Variants in GDAP2 observed in about 807,000 individuals in gnomAD.
GDAP2 encodes the protein ganglioside induced differentiation associated protein 2, also known as ganglioside-induced differentiation-associated protein 2.
Under a neutral mutation model 67.0 loss-of-function variants are expected in GDAP2, and 51 were observed. The ratio of observed to expected loss-of-function variants is 0.76; its 90% CI spans 0.61 to 0.96. GDAP2 has a LOEUF of 0.96. Among genes scored for constraint, GDAP2 ranks in the 40% least tolerant of loss-of-function variants. GDAP2 has a pLI of 0.00. For missense variants in GDAP2, 547 were observed against 588.3 expected, an observed-to-expected ratio of 0.93 and a Z score of 0.73; for synonymous variants, 203 against 207.3, an observed-to-expected ratio of 0.98 and a Z score of 0.18.
rs1394375873 is a variant in GDAP2, at chr1:117,887,790, A to G, written c.954-16T>C. Reference sequence around the variant, plus strand: ...GCGATTATAACTAGGGAAATAAATGATATAATCATTATAATAAACCCTTGG... The same window carrying G: ...GCGATTATAACTAGGGAAATAAATGGTATAATCATTATAATAAACCCTTGG... On this transcript the variant is annotated splice_polypyrimidine_tract_variant and intron_variant, in intron 8 of 13. Coordinates refer to ENST00000369443, the MANE Select transcript of GDAP2 (RefSeq NM_017686.4). 7.2e-7 allele frequency: 1 copy of G among 1,386,304 alleles called. No individual in the cohort carries two copies. The highest frequency in any genetic ancestry group is 1.2e-5 in the South Asian group (1 of 85,682). 85.9% of individuals were successfully genotyped at this position (1,386,304 alleles called of 1,614,324 possible). A position where few individuals can be genotyped will look rare whatever the true frequency, so the allele number is the denominator to read the frequency against.
Position 117,868,084 on chromosome 1 carries a change from T to C in GDAP2, c.*2485A>G, listed in dbSNP as rs1648135745. The C allele has an allele frequency of 6.6e-6, 1 of 152,222 alleles. No homozygotes were observed. Among genetic ancestry groups the C allele is most frequent in the South Asian group, 2.1e-4 (1 of 4,832 alleles). The allele number at this position is 152,222 out of a possible 1,614,324, so 9.4% of individuals were successfully genotyped here. On this transcript the variant is annotated 3_prime_UTR_variant, in exon 14 of 14. Coordinates refer to ENST00000369443, the MANE Select transcript of GDAP2 (RefSeq NM_017686.4). ...TGGTCATCTCCATCCAGTATCCCCT[T>C]TATCCTCTAATATGTCCTTGAAAAT... is the stretch of plus-strand genomic sequence containing the variant.
chr1:117,897,355 C>G (rs1323643638), intron 7 of GDAP2, among the ~76,000 whole-genome samples: 1 of 152,140 alleles, frequency 6.6e-6, no homozygotes, highest in African/African-American at 2.4e-5. Flanking sequence ...AAAAAACAAG[C>G]ATTTGGGAAG....
intron 5 of GDAP2, 151 bp from the exon 6 acceptor site, chr1:117,906,733 C>G: frequency 1.8e-6 from 1 of 551,124 alleles, no homozygotes; most frequent in South Asian, 2.4e-5. Flanking sequence ...TGAAGCCTGC[C>G]CATACTACTT....
At chr1:117,898,648 T>C (rs1196942477) in intron 7 of GDAP2, among the ~76,000 whole-genome samples, 1 of 152,210 alleles carries the variant, frequency 6.6e-6, no homozygotes, top group East Asian at 1.9e-4. Flanking sequence ...TACAACAGTA[T>C]ATAACCCAAA....
rs1476764441 is a variant in GDAP2, at chr1:117,912,655, T to C, written c.345A>G (p.Thr115=). 1 of 1,613,714 alleles carries C rather than the reference T, an allele frequency of 6.2e-7. No individual in the cohort carries two copies. Among genetic ancestry groups the C allele is most frequent in the Middle Eastern group, 1.7e-4 (1 of 6,060 alleles). The change falls in exon 4 of 14, where the codon ACA becomes ACG. Residue 115 remains threonine, a synonymous_variant. Transcript: ENST00000369443. The part of the protein sequence containing the change: ...KGCRTGEAKL[T]KGFNLAARFI... Reference sequence around the variant, plus strand: ...ACCGGGCAGCTAGATTGAATCCTTTTGTCAATTTTGCTTCACCTGTTCGGC... The same window carrying C: ...ACCGGGCAGCTAGATTGAATCCTTTCGTCAATTTTGCTTCACCTGTTCGGC...
rs1157679312 is a variant in GDAP2 at position 117,920,446 on chromosome 1, C to G, written c.-67-22G>C. ...TTAGCTTTAAGAGAAAAGAAAGAATCACTTTAATAGAGAAGCACAGATATT... is the reference window on the plus strand; with the variant it reads ...TTAGCTTTAAGAGAAAAGAAAGAATGACTTTAATAGAGAAGCACAGATATT... On this transcript the variant is annotated intron_variant, in intron 1 of 13. Coordinates refer to ENST00000369443, the MANE Select transcript of GDAP2 (RefSeq NM_017686.4). The G allele has an allele frequency of 9.9e-6, 8 of 806,274 alleles. No individual in the cohort carries two copies. The Admixed American group carries it at 2.1e-4, about 21-fold the overall frequency. The allele number at this position is 806,274 out of a possible 1,614,324, so 49.9% of individuals were successfully genotyped here. A position where few individuals can be genotyped will look rare whatever the true frequency, so the allele number is the denominator to read the frequency against.
In GDAP2 at chr1:117,923,222, G is replaced by A. The variant is rs140748225; in HGVS notation, c.-67-2798C>T. Among the ~76,000 whole-genome samples, 293 of 152,210 alleles carry A rather than the reference G, an allele frequency of 1.9e-3. 1 individual carries two copies. The highest frequency in any genetic ancestry group is 3.9e-3 in the East Asian group (20 of 5,176). Reference sequence around the variant, plus strand: ...TCTACAAACAATTTGTGCAGTTAACGCAATCATCACAGGGTCCTGAGGTGA... The same window carrying A: ...TCTACAAACAATTTGTGCAGTTAACACAATCATCACAGGGTCCTGAGGTGA... On this transcript the variant is annotated intron_variant, in intron 1 of 13. Coordinates refer to ENST00000369443, the MANE Select transcript of GDAP2 (RefSeq NM_017686.4).
intron 1 of GDAP2, among the ~76,000 whole-genome samples, chr1:117,925,771 C>T (rs537010248): frequency 6.6e-6 from 1 of 152,110 alleles, no homozygotes; most frequent in Non-Finnish European, 1.5e-5. Context: ...AAGGGTAATT[C>T]TCCTAAGATT....
chr1:117,889,057 T>C (rs1648967121), intron 8 of GDAP2, among the ~76,000 whole-genome samples: 4 of 152,182 alleles, frequency 2.6e-5, no homozygotes, highest in Admixed American at 1.3e-4. Context: ...TCAAAGACAG[T>C]AGCTTTTAAT....
At chr1:117,914,868 C>A (rs771099569) in intron 3 of GDAP2, among the ~76,000 whole-genome samples, 33 of 152,134 alleles carry the variant, frequency 2.2e-4, no homozygotes, top group Non-Finnish European at 3.8e-4. Context: ...TAGTTTTACC[C>A]TATTGCATTC....
chr1:117,900,610 T>TA (rs1190148786), intron 6 of GDAP2, among the ~76,000 whole-genome samples: 1 of 148,210 alleles, frequency 6.7e-6, no homozygotes, highest in Non-Finnish European at 1.5e-5. Flanking sequence ...TACTAAAATA[T>TA]AAAAAATTAC....
intron 13 of GDAP2, among the ~76,000 whole-genome samples, chr1:117,871,308 T>C (rs753136589): frequency 2.0e-5 from 3 of 152,220 alleles, no homozygotes; most frequent in Non-Finnish European, 4.4e-5. Flanking sequence ...GGGAATTTTT[T>C]GGCTCTGATT....
chr1:117,893,291 C>T (rs1397868827), intron 8 of GDAP2, among the ~76,000 whole-genome samples: 2 of 152,062 alleles, frequency 1.3e-5, no homozygotes, highest in Non-Finnish European at 2.9e-5. Flanking sequence ...AGGTTGCTTC[C>T]TAATTTTGGT....
chr1:117,913,995 C>A (rs943743839), intron 3 of GDAP2, among the ~76,000 whole-genome samples: 2 of 152,168 alleles, frequency 1.3e-5, no homozygotes, highest in African/African-American at 4.8e-5. Flanking sequence ...CAGAACTTGA[C>A]TATGCTGGCA....
intron 1 of GDAP2, among the ~76,000 whole-genome samples, chr1:117,928,357 C>T (rs1422276917): frequency 6.6e-6 from 1 of 152,112 alleles, no homozygotes; most frequent in East Asian, 1.9e-4. Flanking sequence ...ATTAGTTATT[C>T]CAAGGGGTGT....
At chr1:117,879,901 G>A (rs371384787) in intron 12 of GDAP2, among the ~76,000 whole-genome samples, 36 of 152,320 alleles carry the variant, frequency 2.4e-4, no homozygotes, top group African/African-American at 8.2e-4. Context: ...CAGGAAGCCA[G>A]GTGCAGTGGC....
chr1:117,883,539 T>C lies in GDAP2; in HGVS notation c.1196A>G (p.Asn399Ser), dbSNP rs1419862789. 1.2e-6 allele frequency: 2 copies of C among 1,611,610 alleles called. No individual in the cohort carries two copies. Among genetic ancestry groups the C allele is most frequent in the East Asian group, 2.2e-5 (1 of 44,794 alleles). The part of the protein sequence containing the change: ...VYFHTLTSEY[N>S]HLDSDFLKKL... ...CTTCAGGAAGTCGGAGTCCAGGTGA[T>C]TGTATTCGCTGGTCAGGGTGTGAAA... The change falls in exon 11 of 14, where the codon AAT becomes AGT. Residue 399 changes from asparagine (N) to serine (S), a missense_variant. Asn to Ser is a conservative substitution (Grantham distance 46). Transcript: ENST00000369443.
intron 8 of GDAP2, among the ~76,000 whole-genome samples, chr1:117,891,682 T>A (rs977628956): frequency 6.6e-6 from 1 of 152,156 alleles, no homozygotes; most frequent in Non-Finnish European, 1.5e-5. Context: ...ATTCCGTAAC[T>A]TGCTTTTTAC....
At position 117,867,527 on chromosome 1, in the gene GDAP2, G is replaced by GAAA. The variant is rs745964438; in HGVS notation, c.*3039_*3041dup. The GAAA allele has an allele frequency of 1.2e-4, 10 of 80,132 alleles. No homozygotes were observed. Among genetic ancestry groups the GAAA allele is most frequent in the East Asian group, 3.1e-4 (1 of 3,270 alleles). 5.0% of individuals were successfully genotyped at this position (80,132 alleles called of 1,614,324 possible). A position where few individuals can be genotyped will look rare whatever the true frequency, so the allele number is the denominator to read the frequency against. On this transcript the variant is annotated 3_prime_UTR_variant, in exon 14 of 14. Coordinates refer to ENST00000369443, the MANE Select transcript of GDAP2 (RefSeq NM_017686.4). Reference sequence around the variant, plus strand: ...AACATGGTGAAACCCTGTCTCTACTGAAAAAAAAAAAAAAAAAAAAAAAAA... The same window carrying GAAA: ...AACATGGTGAAACCCTGTCTCTACTGAAAAAAAAAAAAAAAAAAAAAAAAAAAA...
Sources: allele counts gnomAD v4.1 joint callset (sites outside exome capture counted in the v4.1 genomes callset), GRCh38; gene constraint gnomAD v4.1.1; transcripts MANE v1.5; gene names NCBI Gene and HGNC (gene_info 2026-07-23, HGNC 2026-07-21).